Variants in SCN8A observed in about 807,000 individuals in gnomAD.
The protein encoded by SCN8A is sodium channel protein type 8 subunit alpha.
SCN8A carries 30 observed loss-of-function variants against 184.1 expected under a neutral mutation model. That is an observed-to-expected ratio of 0.16 (90% CI 0.12 to 0.22). The LOEUF is 0.22. Ranked by LOEUF, SCN8A falls within the 10% of genes least tolerant of loss-of-function variation. SCN8A has a pLI of 1.00. For synonymous variants in SCN8A, 852 were observed against 907.0 expected (o/e 0.94, Z 1.09); for missense variants, 1,057 against 2,498.9 (o/e 0.42, Z 12.30).
At chr12:51,620,732 A>T (rs1440624922) in intron 1 of SCN8A, among the ~76,000 whole-genome samples, 1 of 152,092 alleles carries the variant, frequency 6.6e-6, no homozygotes, top group Non-Finnish European at 1.5e-5. Context: ...TCACGCCTGT[A>T]ATCCCAGCAC....
intron 1 of SCN8A, among the ~76,000 whole-genome samples, chr12:51,611,336 G>C (rs1939716159): frequency 6.6e-6 from 1 of 151,804 alleles, no homozygotes; most frequent in Admixed American, 6.5e-5. Context: ...TAATTTCTTT[G>C]TATTTTTAGT....
rs369839970 is a variant in SCN8A at position 51,774,256 on chromosome 12, T to C, written c.3713T>C (p.Val1238Ala). 2 of 1,614,090 alleles carry C rather than the reference T, an allele frequency of 1.2e-6. No individual in the cohort carries two copies. The highest frequency in any genetic ancestry group is 1.7e-6 in the Non-Finnish European group (2 of 1,179,974). Residue 1238 changes from valine to alanine, a missense_variant, in exon 20 of 27, where the codon GTC (valine) becomes GCC (alanine). By Grantham distance (64) the Val-to-Ala change is moderately conservative (BLOSUM62 0). Coordinates refer to ENST00000627620, the MANE Select transcript of SCN8A (RefSeq NM_001330260.2). Reference protein sequence around the residue: ...IRTILEYADKVFTYIFILEML... With the variant: ...IRTILEYADKAFTYIFILEML... ...ACCATCCTGGAATATGCTGACAAAG[T>C]CTTCACCTATATCTTCATCCTGGAG...
intron 12 of SCN8A, among the ~76,000 whole-genome samples, chr12:51,741,049 G>C (rs1942413968): frequency 1.3e-5 from 2 of 152,168 alleles, no homozygotes; most frequent in Non-Finnish European, 2.9e-5. Context: ...ACCTCCCAAA[G>C]TGCTGGGATT....
At chr12:51,607,873 T>C (rs1939629427) in intron 1 of SCN8A, among the ~76,000 whole-genome samples, 3 of 152,180 alleles carry the variant, frequency 2.0e-5, no homozygotes, top group African/African-American at 7.2e-5. Flanking sequence ...ATCAAGGATA[T>C]CTGTCTATAG....
intron 14 of SCN8A, among the ~76,000 whole-genome samples, chr12:51,760,860 T>TA (rs1280495545): frequency 6.6e-6 from 1 of 152,248 alleles, no homozygotes; most frequent in African/African-American, 2.4e-5. Flanking sequence ...ATAGGCCACT[T>TA]ATCCATTTTG....
chr12:51,607,125 G>A (rs1011973562), intron 1 of SCN8A, among the ~76,000 whole-genome samples: 4 of 152,090 alleles, frequency 2.6e-5, no homozygotes, highest in South Asian at 2.1e-4. Context: ...TTGAACTCCT[G>A]ACCTCAGATA....
rs1041166322 is a variant in SCN8A, at chr12:51,809,441, C to T, written c.*2012C>T. 5 of 152,230 alleles carry T rather than the reference C, an allele frequency of 3.3e-5. No homozygotes were observed. The highest frequency in any genetic ancestry group is 7.3e-5 in the Non-Finnish European group (5 of 68,036). 9.4% of individuals were successfully genotyped at this position (152,230 alleles called of 1,614,324 possible). ...TCCACCAGACTAGTTTTGCATAGAA[C>T]AAACCACAGTAAGTCGGCAAGCAGA... is the stretch of plus-strand genomic sequence containing the variant. On this transcript the variant is annotated 3_prime_UTR_variant, in exon 27 of 27. Transcript: ENST00000627620.
At chr12:51,791,769 C>T (rs1372482586) in intron 25 of SCN8A, among the ~76,000 whole-genome samples, 3 of 152,066 alleles carry the variant, frequency 2.0e-5, no homozygotes, top group African/African-American at 7.2e-5. Context: ...GTCCTCACTA[C>T]GTAGGAGGCT....
At chr12:51,675,962 A>C (rs1941215706) in intron 2 of SCN8A, among the ~76,000 whole-genome samples, 1 of 152,212 alleles carries the variant, frequency 6.6e-6, no homozygotes, top group African/African-American at 2.4e-5. Flanking sequence ...TAAATATTGA[A>C]TTTTATTATT....
intron 3 of SCN8A, among the ~76,000 whole-genome samples, chr12:51,684,754 G>A (rs1941392970): frequency 1.3e-5 from 2 of 152,156 alleles, no homozygotes; most frequent in African/African-American, 4.8e-5. Context: ...AAGTGAGATA[G>A]TTCTCAGATG....
At chr12:51,654,889 A>G (rs971394194) in intron 1 of SCN8A, among the ~76,000 whole-genome samples, 1 of 152,026 alleles carries the variant, frequency 6.6e-6, no homozygotes, top group Non-Finnish European at 1.5e-5. Flanking sequence ...GTTCTAGCAT[A>G]AAGTGTTTGC....
chr12:51,783,342 A>G (rs1299574829), intron 21 of SCN8A, among the ~76,000 whole-genome samples: 1 of 152,080 alleles, frequency 6.6e-6, no homozygotes, highest in Non-Finnish European at 1.5e-5. Flanking sequence ...GTTCTTCTAT[A>G]TGCCAACACT....
intron 2 of SCN8A, among the ~76,000 whole-genome samples, chr12:51,669,507 C>G (rs1345435152): frequency 6.6e-6 from 1 of 152,214 alleles, no homozygotes; most frequent in Non-Finnish European, 1.5e-5. Context: ...TCCCTCTCTT[C>G]CTGTTGGAAT....
chr12:51,617,407 A>C (rs1259775471), intron 1 of SCN8A, among the ~76,000 whole-genome samples: 2 of 151,926 alleles, frequency 1.3e-5, no homozygotes, highest in Non-Finnish European at 2.9e-5. Flanking sequence ...ATGAATTTTA[A>C]AATTTCTGTT....
At chr12:51,604,232 A>G (rs565335482) in intron 1 of SCN8A, among the ~76,000 whole-genome samples, 2 of 152,294 alleles carry the variant, frequency 1.3e-5, no homozygotes, top group Non-Finnish European at 2.9e-5. Flanking sequence ...TAATCTGTGT[A>G]TTAGATATGA....
At chr12:51,712,820 C>A in intron 11 of SCN8A, 1 of 1,204,366 alleles carries the variant, frequency 8.3e-7, no homozygotes, top group South Asian at 1.2e-5. Context: ...CCACCATCAC[C>A]TCCTCCATAA....
intron 6 of SCN8A, among the ~76,000 whole-genome samples, chr12:51,698,581 T>C (rs1202402045): frequency 6.6e-6 from 1 of 152,224 alleles, no homozygotes; most frequent in Non-Finnish European, 1.5e-5. Flanking sequence ...TACAACCATA[T>C]TTTTCTGTCT....
intron 6 of SCN8A, 37 bp downstream of exon 6, chr12:51,689,133 TCTC>T: frequency 2.2e-6 from 3 of 1,381,680 alleles, no homozygotes; most frequent in Non-Finnish European, 3.0e-6. Context: ...CTTTGCCACA[TCTC>T]CTCTTTCTCC....
chr12:51,766,837 T>C (rs1313101986), intron 16 of SCN8A, among the ~76,000 whole-genome samples: 2 of 152,208 alleles, frequency 1.3e-5, no homozygotes, highest in Non-Finnish European at 2.9e-5. Flanking sequence ...TTTAACAAGA[T>C]CCTTGTGTGA....
Sources: gnomAD v4.1 joint callset for allele counts (sites outside exome capture counted in the v4.1 genomes callset) on GRCh38, gnomAD v4.1.1 for gene constraint, MANE v1.5 for transcripts, NCBI Gene and HGNC (gene_info 2026-07-23, HGNC 2026-07-21) for gene names.